The following NRG3 variants were observed in gnomAD, a reference collection of about 807,000 sequenced individuals.
The protein encoded by NRG3 is pro-neuregulin-3, membrane-bound isoform.
In NRG3, 31 loss-of-function variants were observed where a neutral mutation model predicts 66.9. The observed-to-expected ratio is 0.46, with a 90% CI of 0.35 to 0.63. NRG3 has a LOEUF of 0.63. Among genes scored for constraint, NRG3 ranks in the 20% least tolerant of loss-of-function variants. The probability of loss-of-function intolerance (pLI) is 0.00; values close to 1 mark genes in which losing one functional copy is unlikely to be tolerated. For synonymous variants in NRG3, 393 were observed against 359.4 expected (o/e 1.09, Z -1.06); for missense variants, 910 against 878.9 (o/e 1.04, Z -0.45).
intron 2 of NRG3, among the ~76,000 whole-genome samples, chr10:82,516,612 C>T (rs1845688308): frequency 6.6e-6 from 1 of 152,100 alleles, no homozygotes; most frequent in Non-Finnish European, 1.5e-5. Context: ...AATAATGCCT[C>T]TTGTATTATT....
chr10:82,244,820 G>C (rs2077163503), intron 1 of NRG3, among the ~76,000 whole-genome samples: 1 of 151,978 alleles, frequency 6.6e-6, no homozygotes, highest in Admixed American at 6.6e-5. Context: ...TGCAACTGCC[G>C]CCTCCTGGGT....
chr10:82,097,833 T>G (rs1177588426), intron 1 of NRG3, among the ~76,000 whole-genome samples: 2 of 152,152 alleles, frequency 1.3e-5, no homozygotes, highest in African/African-American at 4.8e-5. Flanking sequence ...GTTGTGGTTT[T>G]AATTTACATT....
chr10:82,301,545 G>A (rs1001267815), intron 1 of NRG3, among the ~76,000 whole-genome samples: 1 of 151,766 alleles, frequency 6.6e-6, no homozygotes, highest in African/African-American at 2.4e-5. Flanking sequence ...TATGGTTTCT[G>A]TTTACTGATA....
chr10:82,969,109 A>G (rs573330251), intron 6 of NRG3, among the ~76,000 whole-genome samples: 3 of 152,074 alleles, frequency 2.0e-5, no homozygotes, highest in African/African-American at 7.2e-5. Context: ...TCAAGATGCA[A>G]TTTGGGTGGG....
intron 2 of NRG3, among the ~76,000 whole-genome samples, chr10:82,585,691 A>C (rs999299275): frequency 6.6e-6 from 1 of 152,116 alleles, no homozygotes; most frequent in Non-Finnish European, 1.5e-5. Context: ...TGGCCATCTC[A>C]CCTACACTCT....
At chr10:82,149,867 C>G (rs887740198) in intron 1 of NRG3, among the ~76,000 whole-genome samples, 1 of 152,100 alleles carries the variant, frequency 6.6e-6, no homozygotes, top group South Asian at 2.1e-4. Context: ...TTAATTTTAC[C>G]TTGTATTCAG....
intron 4 of NRG3, among the ~76,000 whole-genome samples, chr10:82,905,515 T>C (rs959463087): frequency 2.0e-5 from 3 of 152,188 alleles, no homozygotes; most frequent in African/African-American, 4.8e-5. Context: ...TGTTGTTTCA[T>C]TGTTTTTTGT....
chr10:82,519,589 C>T (rs1846004411), intron 2 of NRG3, among the ~76,000 whole-genome samples: 1 of 152,170 alleles, frequency 6.6e-6, no homozygotes, highest in Non-Finnish European at 1.5e-5. Context: ...CAGTACCCAG[C>T]CTGGTCCCAT....
intron 2 of NRG3, among the ~76,000 whole-genome samples, chr10:82,550,227 T>C (rs2044213855): frequency 6.6e-6 from 1 of 152,186 alleles, no homozygotes; most frequent in Non-Finnish European, 1.5e-5. Context: ...CATTAATAAA[T>C]ATTTAACATT....
Position 82,914,098 on chromosome 10 carries a change from A to T in NRG3, c.1055-37371A>T, listed in dbSNP as rs539111500. ...AAATCCACTGATGATCATCAAAGGC[A>T]TTTTTTACTTCCATTTCAGTTTTTT... On this transcript the variant is annotated intron_variant, in intron 4 of 8. Transcript: ENST00000372141. 2.7e-5 allele frequency among the ~76,000 whole-genome samples: 4 copies of T among 149,794 alleles called. No individual in the cohort carries two copies. The East Asian group carries it at 7.8e-4, about 29-fold the overall frequency.
At chr10:82,097,369 TACACACACAC>T (rs60288660) in intron 1 of NRG3, among the ~76,000 whole-genome samples, 10 of 141,028 alleles carry the variant, frequency 7.1e-5, no homozygotes, top group African/African-American at 2.6e-4. Context: ...TCCAGATGGT[TACACACACAC>T]ACACACACAC....
At chr10:82,323,273 A>G (rs886716848) in intron 1 of NRG3, among the ~76,000 whole-genome samples, 10 of 152,152 alleles carry the variant, frequency 6.6e-5, no homozygotes, top group African/African-American at 2.4e-4. Context: ...TATTTCAGGT[A>G]CTGATTCTTT....
chr10:82,454,503 AC>A (rs2091181617), intron 2 of NRG3, among the ~76,000 whole-genome samples: 2 of 152,332 alleles, frequency 1.3e-5, no homozygotes, highest in South Asian at 4.1e-4. Flanking sequence ...AGGAGACAAA[AC>A]AAAAAGCCCG....
chr10:82,017,963 T>C (rs1396525411), intron 1 of NRG3, among the ~76,000 whole-genome samples: 1 of 152,226 alleles, frequency 6.6e-6, no homozygotes, highest in Non-Finnish European at 1.5e-5. Context: ...ATTTGTCAAT[T>C]GTGGCTTTTT....
chr10:82,639,193 C>T (rs978596561), intron 2 of NRG3, among the ~76,000 whole-genome samples: 1 of 152,126 alleles, frequency 6.6e-6, no homozygotes, highest in South Asian at 2.1e-4. Context: ...AAGTTTTTTG[C>T]TCACAGTTGT....
At chr10:82,654,589 A>G (rs1202912150) in intron 2 of NRG3, among the ~76,000 whole-genome samples, 1 of 152,240 alleles carries the variant, frequency 6.6e-6, no homozygotes, top group East Asian at 1.9e-4. Context: ...AAGTGAATGA[A>G]CATTGTTAAA....
chr10:81,980,910 T>C (rs2060310019), intron 1 of NRG3, among the ~76,000 whole-genome samples: 1 of 152,180 alleles, frequency 6.6e-6, no homozygotes, highest in Non-Finnish European at 1.5e-5. Context: ...AAGACATTAG[T>C]CTCATTGGAT....
intron 4 of NRG3, among the ~76,000 whole-genome samples, chr10:82,905,482 G>A (rs1844644881): frequency 6.6e-6 from 1 of 152,074 alleles, no homozygotes; most frequent in African/African-American, 2.4e-5. Flanking sequence ...TATTTGAATG[G>A]TTATTCCATG....
intron 2 of NRG3, among the ~76,000 whole-genome samples, chr10:82,578,867 CTCTA>C (rs2046191608): frequency 6.6e-6 from 1 of 151,856 alleles, no homozygotes; most frequent in African/African-American, 2.4e-5. Flanking sequence ...AAAATAGTAA[CTCTA>C]TCTTTGTTCA....
Sources: gnomAD v4.1 joint callset for allele counts (sites outside exome capture counted in the v4.1 genomes callset) on GRCh38, gnomAD v4.1.1 for gene constraint, MANE v1.5 for transcripts, NCBI Gene and HGNC (gene_info 2026-07-23, HGNC 2026-07-21) for gene names.